Variants in CRAMP1 observed in about 807,000 individuals in gnomAD.
CRAMP1 encodes protein cramped-like.
In CRAMP1, 50 loss-of-function variants were observed where a neutral mutation model predicts 115.4. The observed-to-expected ratio is 0.43, with a 90% confidence interval of 0.35 to 0.55. The LOEUF is 0.55. Ranked by LOEUF, CRAMP1 falls within the 20% of genes least tolerant of loss-of-function variation. The pLI is 0.01. For missense variants in CRAMP1, 1,679 were observed against 1,721.7 expected (o/e 0.98, Z 0.44); for synonymous variants, 866 against 745.4 (o/e 1.16, Z -2.64).
At chr16:1,618,905 A>T (rs1193896750) in intron 2 of CRAMP1, among the ~76,000 whole-genome samples, 3 of 152,226 alleles carry the variant, frequency 2.0e-5, no homozygotes, top group African/African-American at 7.2e-5. Context: ...TAGGTAAGGC[A>T]AAATTTGAAC....
At chr16:1,647,088 T>A (rs1479004303) in intron 6 of CRAMP1, 2 of 702,926 alleles carry the variant, frequency 2.8e-6, no homozygotes, top group Admixed American at 4.0e-5. Flanking sequence ...GAGGTGCCTG[T>A]GGGAGGCTAC....
rs186157185 is a variant in CRAMP1, at chr16:1,643,447, A to G, written c.827+2260A>G. ...TCCCAGCTACTTGGGAGGCTGAGGC[A>G]GGAGAATCGCTTGAACCCGAGAGGC... On this transcript the variant is annotated intron_variant, in intron 6 of 20. Transcript: ENST00000397412. 3.0e-4 allele frequency among the ~76,000 whole-genome samples: 46 copies of G among 152,222 alleles called. 1 individual carries two copies. Among genetic ancestry groups the G allele is most frequent in the Admixed American group, 1.4e-3 (22 of 15,294 alleles).
At chr16:1,620,601 T>G (rs1305412545) in intron 2 of CRAMP1, 1 of 456,280 alleles carries the variant, frequency 2.2e-6, no homozygotes, top group Non-Finnish European at 4.4e-6. Flanking sequence ...GATGACAGGG[T>G]GTCACTGGGC....
rs1258850630 is a variant in CRAMP1, at chr16:1,677,162, GC to G, written c.*3119del. 1 of 152,592 alleles carries G rather than the reference GC, an allele frequency of 6.6e-6. No homozygotes were observed. The highest frequency in any genetic ancestry group is 1.5e-5 in the Non-Finnish European group (1 of 68,074). 9.5% of individuals were successfully genotyped at this position (152,592 alleles called of 1,614,324 possible). A position where few individuals can be genotyped will look rare whatever the true frequency, so the allele number is the denominator to read the frequency against. The stretch of plus-strand genomic sequence containing the variant: ...TTGTCTTAAGAAAACAAGGAAGGAG[GC>G]CGGGCGCAGTGGCTCACGCCTGTAA... On this transcript the variant is annotated 3_prime_UTR_variant, in exon 21 of 21. Transcript: ENST00000397412.
At chr16:1,619,227 CTTGAGTG>C (rs2142168395) in intron 2 of CRAMP1, among the ~76,000 whole-genome samples, 1 of 152,346 alleles carries the variant, frequency 6.6e-6, no homozygotes, top group South Asian at 2.1e-4. Context: ...GTCGCCTGGG[CTTGAGTG>C]CAGTGCTGCG....
rs772422146 is a variant in CRAMP1 at position 1,637,915 on chromosome 16, C to A, written c.778+8C>A. On this transcript the variant is annotated splice_region_variant and intron_variant, in intron 5 of 20. Transcript: ENST00000397412. ...GCAAGAAGATTGGGGGCTGTGAGTA[C>A]GCTGACTGTGGGGTTGCCCACGGCT... 6.7e-7 allele frequency: 1 copy of A among 1,494,734 alleles called. No homozygotes were observed. The highest frequency in any genetic ancestry group is 9.0e-7 in the Non-Finnish European group (1 of 1,110,526). The allele number at this position is 1,494,734 out of a possible 1,614,324, so 92.6% of individuals were successfully genotyped here. A position where few individuals can be genotyped will look rare whatever the true frequency, so the allele number is the denominator to read the frequency against.
At position 1,647,511 on chromosome 16, in the gene CRAMP1, C is replaced by T. The variant is rs566092073; in HGVS notation, c.828-4985C>T. Among the ~76,000 whole-genome samples the T allele has an allele frequency of 3.4e-4, 52 of 152,124 alleles. No individual in the cohort carries two copies. In the East Asian group the frequency reaches 8.1e-3, roughly 24 times the overall value. ...ATCCCAGCACTTTGGGAGGCCGAGGCGGGTGGATCACTTGAGGCCAGGAGT... is the reference window on the plus strand; with the variant it reads ...ATCCCAGCACTTTGGGAGGCCGAGGTGGGTGGATCACTTGAGGCCAGGAGT... On this transcript the variant is annotated intron_variant, in intron 6 of 20. Transcript: ENST00000397412.
At chr16:1,652,956 G>C in intron 7 of CRAMP1, 77 bp from the exon 8 acceptor site, 1 of 1,570,198 alleles carries the variant, frequency 6.4e-7, no homozygotes. Context: ...GATTTCACTG[G>C]TTTTTCTGGC....
chr16:1,641,485 C>G lies in CRAMP1; in HGVS notation c.827+298C>G, dbSNP rs553823419. On this transcript the variant is annotated intron_variant, in intron 6 of 20. Transcript: ENST00000397412. ...ACTCAGGGCCCTGCTTTTTGTGCTC[C>G]TTTTCCTCCACCTTTGTGCCTGCTG... is the stretch of plus-strand genomic sequence containing the variant. 2.6e-5 allele frequency among the ~76,000 whole-genome samples: 4 copies of G among 152,302 alleles called. No individual in the cohort carries two copies. The East Asian group carries it at 7.7e-4, about 29-fold the overall frequency.
intron 5 of CRAMP1, 120 bp from the exon 6 acceptor site, chr16:1,641,019 G>C (rs1280435929): frequency 1.0e-5 from 7 of 680,176 alleles, no homozygotes; most frequent in Non-Finnish European, 1.5e-5. Context: ...TTATTCCAGA[G>C]GAACTTTAAT....
intron 6 of CRAMP1, among the ~76,000 whole-genome samples, chr16:1,644,063 A>G (rs1341365841): frequency 6.6e-6 from 1 of 152,204 alleles, no homozygotes; most frequent in Admixed American, 6.5e-5. Flanking sequence ...GTGGGCGCTG[A>G]TGGGGAATTT....
Position 1,637,873 on chromosome 16 carries a change from C to T in CRAMP1, c.744C>T (p.Ile248=), listed in dbSNP as rs757614025. Residue 248 remains isoleucine, a synonymous_variant, in exon 5 of 21, where the codon ATC becomes ATT. Coordinates refer to ENST00000397412, the MANE Select transcript of CRAMP1 (RefSeq NM_020825.4). ...CATCCCAGGAACTGTATGGCCTGAT[C>T]TGCTATGGCGAGCTGCGCAAGAAGA... ...KKSSQELYGL[I]CYGELRKKIG... is the part of the protein sequence containing the mutation. The T allele has an allele frequency of 3.0e-5, 47 of 1,569,094 alleles. No homozygotes were observed. Among genetic ancestry groups the T allele is most frequent in the Non-Finnish European group, 3.4e-5 (40 of 1,159,786 alleles).
intron 20 of CRAMP1, among the ~76,000 whole-genome samples, chr16:1,673,422 A>G (rs1167252010): frequency 2.6e-5 from 4 of 152,186 alleles, no homozygotes; most frequent in Non-Finnish European, 5.9e-5. Context: ...TATGATGGAA[A>G]CGTGTCCCCC....
chr16:1,658,084 T>A (rs923071902), intron 10 of CRAMP1, among the ~76,000 whole-genome samples: 4 of 152,164 alleles, frequency 2.6e-5, no homozygotes, highest in Admixed American at 6.5e-5. Flanking sequence ...CGCCTCCCGC[T>A]TTTTTTCCGC....
Position 1,673,926 on chromosome 16 carries a change from G to T in CRAMP1, c.3691G>T (p.Asp1231Tyr). Residue 1231 changes from aspartate to tyrosine, a missense_variant, in exon 21 of 21, where the codon GAT becomes TAT. By Grantham distance (160) the Asp-to-Tyr change is radical (BLOSUM62 -3). This residue lies in a region of CRAMP1 where 709 missense variants were observed against 741.9 expected (regional missense o/e 0.96). Coordinates refer to ENST00000397412, the MANE Select transcript of CRAMP1 (RefSeq NM_020825.4). ...GTGCATGATGAACGAAAACAGCATT[G>T]ATTACATTTCTCGGTTCAATGACCT... ...LVCMMNENSIDYISRFNDLAQ... is the reference protein window; with the variant it reads ...LVCMMNENSIYYISRFNDLAQ... The T allele has an allele frequency of 1.2e-6, 2 of 1,613,852 alleles. No individual in the cohort carries two copies. Among genetic ancestry groups the T allele is most frequent in the Non-Finnish European group, 1.7e-6 (2 of 1,179,882 alleles).
intron 8 of CRAMP1, among the ~76,000 whole-genome samples, chr16:1,654,184 C>G (rs549724225): frequency 2.9e-4 from 43 of 149,258 alleles, no homozygotes; most frequent in African/African-American, 1.0e-3. Context: ...ATTCACATAT[C>G]ATAAAATGAA....
At chr16:1,665,440 C>T (rs899800549) in intron 14 of CRAMP1, among the ~76,000 whole-genome samples, 3 of 152,088 alleles carry the variant, frequency 2.0e-5, no homozygotes, top group African/African-American at 7.2e-5. Context: ...TGTGTAATGT[C>T]TTGTCAGCCG....
In CRAMP1 at chr16:1,614,782, A is replaced by G; in HGVS notation, c.143A>G (p.Asp48Gly). 2.2e-6 allele frequency: 3 copies of G among 1,350,158 alleles called. No homozygotes were observed. Among genetic ancestry groups the G allele is most frequent in the South Asian group, 2.0e-5 (1 of 49,894 alleles). The allele number at this position is 1,350,158 out of a possible 1,614,324, so 83.6% of individuals were successfully genotyped here. ...AAEESSGTKRDEKTPRAGADG... is the reference protein window; with the variant it reads ...AAEESSGTKRGEKTPRAGADG... ...GAGGAGAGCAGCGGCACAAAGAGGGACGAGAAGACCCCCCGGGCCGGCGCC... is the reference window on the plus strand; with the variant it reads ...GAGGAGAGCAGCGGCACAAAGAGGGGCGAGAAGACCCCCCGGGCCGGCGCC... The change falls in exon 2 of 21, where the codon GAC becomes GGC. Residue 48 changes from aspartate to glycine, a missense_variant. This residue lies in a region of CRAMP1 where 264 missense variants were observed against 229.7 expected (regional missense o/e 1.15). Transcript: ENST00000397412. This position sits in a 1 kb window ranked among gnomAD's most constrained non-coding sequence, Gnocchi z 4.4.
At chr16:1,639,948 C>T (rs567947020) in intron 5 of CRAMP1, among the ~76,000 whole-genome samples, 421 of 152,322 alleles carry the variant, frequency 2.8e-3, no homozygotes, top group Middle Eastern at 6.8e-3. Context: ...GACTTGATTG[C>T]TGAGTGAGGG....
Sources: gnomAD v4.1 joint callset for allele counts (sites outside exome capture counted in the v4.1 genomes callset) on GRCh38, gnomAD v4.1.1 for gene constraint, gnomAD v4.1.1 regional missense constraint, Gnocchi (gnomAD v3.1) non-coding constraint, MANE v1.5 for transcripts, NCBI Gene and HGNC (gene_info 2026-07-23, HGNC 2026-07-21) for gene names.